Variants in PTPRD observed in about 807,000 individuals in gnomAD.
PTPRD encodes the protein receptor-type tyrosine-protein phosphatase delta.
In PTPRD, 34 loss-of-function variants were observed where a neutral mutation model predicts 214.5. The observed-to-expected ratio is 0.16, with a 90% CI of 0.12 to 0.21. PTPRD has a LOEUF of 0.21. Among genes scored for constraint, PTPRD ranks in the 10% least tolerant of loss-of-function variants. The pLI, the probability that PTPRD is intolerant of heterozygous loss-of-function variation, is 1.00. For missense variants in PTPRD, 2,545 were observed against 2,398.7 expected (o/e 1.06, Z -1.27); for synonymous variants, 1,128 against 845.7 (o/e 1.33, Z -5.79).
chr9:8,548,325 G>A (rs2080891050), intron 14 of PTPRD, among the ~76,000 whole-genome samples: 1 of 152,154 alleles, frequency 6.6e-6, no homozygotes, highest in East Asian at 1.9e-4. Context: ...CAAGCTGGAA[G>A]GAATCTGGGG....
intron 2 of PTPRD, among the ~76,000 whole-genome samples, chr9:10,562,811 A>C (rs961244616): frequency 6.6e-6 from 1 of 152,294 alleles, no homozygotes; most frequent in Non-Finnish European, 1.5e-5. Flanking sequence ...TCATGTGACT[A>C]TAAGCACATT....
At chr9:9,824,315 C>A (rs2051899325) in intron 5 of PTPRD, among the ~76,000 whole-genome samples, 1 of 151,912 alleles carries the variant, frequency 6.6e-6, no homozygotes, top group Admixed American at 6.6e-5. Context: ...TTACTTATGA[C>A]TGAAATTTAT....
intron 11 of PTPRD, among the ~76,000 whole-genome samples, chr9:9,009,808 G>T (rs1050387785): frequency 2.0e-5 from 3 of 151,986 alleles, no homozygotes; most frequent in Non-Finnish European, 4.4e-5. Flanking sequence ...TATAAGGACA[G>T]ATTGCAAAAA....
At chr9:10,310,882 C>G (rs899503654) in intron 3 of PTPRD, among the ~76,000 whole-genome samples, 2 of 152,008 alleles carry the variant, frequency 1.3e-5, no homozygotes, top group Non-Finnish European at 2.9e-5. Context: ...CAGAGGACAG[C>G]TGAGTCCAAA....
At chr9:9,105,470 T>C (rs2099797194) in intron 10 of PTPRD, among the ~76,000 whole-genome samples, 1 of 152,168 alleles carries the variant, frequency 6.6e-6, no homozygotes, top group Non-Finnish European at 1.5e-5. Context: ...CAAAGGATGT[T>C]CCCTTTAAAA....
rs531832930 is a variant in PTPRD, at chr9:8,881,648, G to C, written c.-104+137049C>G. On this transcript the variant is annotated intron_variant, in intron 11 of 45. Transcript: ENST00000381196. ...GTGTGGAAGCATAGTATAGTGGAAA[G>C]AGTGAGAGGTGGGGCCATTGGAGAC... 3.3e-5 allele frequency among the ~76,000 whole-genome samples: 5 copies of C among 152,334 alleles called. No individual in the cohort carries two copies. The South Asian group carries it at 1.0e-3, about 32-fold the overall frequency.
In PTPRD at chr9:9,927,899, T is replaced by C. The variant is rs569676402; in HGVS notation, c.-368+10608A>G. ...ACGGGAAGAAAATGCAGTTGAGAGG[T>C]TGGCGAGTAGAAAGCTAATTCACTC... On this transcript the variant is annotated intron_variant, in intron 5 of 45. Coordinates refer to ENST00000381196, the MANE Select transcript of PTPRD (RefSeq NM_002839.4). Among the ~76,000 whole-genome samples the C allele has an allele frequency of 1.4e-4, 21 of 152,254 alleles. No individual in the cohort carries two copies. In the East Asian group the frequency reaches 1.7e-3, roughly 13 times the overall value.
chr9:10,195,082 G>A (rs895094552), intron 3 of PTPRD, among the ~76,000 whole-genome samples: 10 of 145,710 alleles, frequency 6.9e-5, no homozygotes, highest in Non-Finnish European at 1.3e-4. Context: ...ACAGGCACCC[G>A]TGACCATACC....
intron 34 of PTPRD, among the ~76,000 whole-genome samples, chr9:8,440,348 C>T (rs985792068): frequency 6.6e-6 from 1 of 150,696 alleles, no homozygotes; most frequent in Non-Finnish European, 1.5e-5. Context: ...TGTAGTCTCA[C>T]TCTGTTGCCC....
At chr9:8,566,524 T>G (rs191850133) in intron 14 of PTPRD, among the ~76,000 whole-genome samples, 1 of 152,318 alleles carries the variant, frequency 6.6e-6, no homozygotes. Flanking sequence ...CTAACAGCAA[T>G]GTTCATTATA....
At chr9:10,096,579 T>A (rs556909704) in intron 3 of PTPRD, among the ~76,000 whole-genome samples, 8 of 152,124 alleles carry the variant, frequency 5.3e-5, no homozygotes, top group African/African-American at 1.9e-4. Flanking sequence ...CACTTTTTGA[T>A]GGGGTTTTTT....
At chr9:10,132,519 T>C (rs2098901628) in intron 3 of PTPRD, among the ~76,000 whole-genome samples, 1 of 152,186 alleles carries the variant, frequency 6.6e-6, no homozygotes, top group Admixed American at 6.6e-5. Flanking sequence ...TACAGAATGC[T>C]TCTTAAGAAG....
chr9:10,157,555 C>A (rs909517463), intron 3 of PTPRD, among the ~76,000 whole-genome samples: 3 of 152,050 alleles, frequency 2.0e-5, no homozygotes, highest in Non-Finnish European at 2.9e-5. Flanking sequence ...TCTCTTACTG[C>A]CTTTAACATT....
rs145839168 is a variant in PTPRD, at chr9:8,768,721, A to G, written c.-103-34775T>C. Reference sequence around the variant, plus strand: ...CATAAAACTTACTTTCCTTCTAATAATGATTCCATAAAGATATAGTCCAAA... The same window carrying G: ...CATAAAACTTACTTTCCTTCTAATAGTGATTCCATAAAGATATAGTCCAAA... On this transcript the variant is annotated intron_variant, in intron 11 of 45. Coordinates refer to ENST00000381196, the MANE Select transcript of PTPRD (RefSeq NM_002839.4). Among the ~76,000 whole-genome samples the G allele has an allele frequency of 1.5e-4, 23 of 152,324 alleles. No homozygotes were observed. In the East Asian group the frequency reaches 4.0e-3, roughly 27 times the overall value.
chr9:9,824,673 C>T (rs2052061462), intron 5 of PTPRD, among the ~76,000 whole-genome samples: 1 of 151,926 alleles, frequency 6.6e-6, no homozygotes, highest in Non-Finnish European at 1.5e-5. Context: ...AGTATCAAAA[C>T]ATGTTTTTAT....
chr9:8,972,996 A>C (rs1248043104), intron 11 of PTPRD, among the ~76,000 whole-genome samples: 1 of 138,186 alleles, frequency 7.2e-6, no homozygotes, highest in Non-Finnish European at 1.6e-5. Flanking sequence ...CTCTTCATTG[A>C]CTGCCCCCAG....
At chr9:8,450,081 T>C (rs2095876021) in intron 33 of PTPRD, among the ~76,000 whole-genome samples, 1 of 152,132 alleles carries the variant, frequency 6.6e-6, no homozygotes, top group African/African-American at 2.4e-5. Flanking sequence ...GATTAAATAA[T>C]TCAGCAACTC....
At chr9:9,101,116 A>T (rs1319039057) in intron 10 of PTPRD, among the ~76,000 whole-genome samples, 1 of 145,956 alleles carries the variant, frequency 6.9e-6, no homozygotes, top group South Asian at 2.2e-4. Flanking sequence ...AGAGAGAGAG[A>T]GTAGAGAGCA....
intron 8 of PTPRD, among the ~76,000 whole-genome samples, chr9:9,454,309 T>A (rs1182401120): frequency 6.6e-6 from 1 of 151,772 alleles, no homozygotes; most frequent in African/African-American, 2.4e-5. Flanking sequence ...AAGCCACCAA[T>A]GTGAAATCTA....
Sources: gnomAD v4.1 joint callset for allele counts (sites outside exome capture counted in the v4.1 genomes callset) on GRCh38, gnomAD v4.1.1 for gene constraint, MANE v1.5 for transcripts, NCBI Gene and HGNC (gene_info 2026-07-23, HGNC 2026-07-21) for gene names.